The following TASOR2 variants were observed in gnomAD, a reference collection of about 807,000 sequenced individuals.
TASOR2 encodes the protein transcription activation suppressor family member 2.
Under a neutral mutation model 199.5 loss-of-function variants are expected in TASOR2, and 84 were observed. That is an observed-to-expected ratio of 0.42 (90% confidence interval 0.35 to 0.50). The LOEUF (loss-of-function observed/expected upper bound fraction) is 0.50, where lower values mean the gene tolerates loss of function less well. Ranked by LOEUF, TASOR2 falls within the 20% of genes least tolerant of loss-of-function variation. The pLI is 0.02. For missense variants in TASOR2, 2,796 were observed against 2,835.9 expected, an observed-to-expected ratio of 0.99 and a Z score of 0.32; for synonymous variants, 1,103 against 1,046.6, an observed-to-expected ratio of 1.05 and a Z score of -1.04.
chr10:5,709,741 T>C, intron 1 of TASOR2: 1 of 1,151,258 alleles, frequency 8.7e-7, no homozygotes, highest in South Asian at 4.5e-5. Flanking sequence ...TAGTTTTAAT[T>C]TAGATCATGT....
At position 5,689,565 on chromosome 10, in the gene TASOR2, A is replaced by C. The variant is rs746938093; in HGVS notation, c.-288+4390A>C. 6.6e-6 allele frequency among the ~76,000 whole-genome samples: 1 copy of C among 152,144 alleles called. No homozygotes were observed. The highest frequency in any genetic ancestry group is 1.5e-5 in the Non-Finnish European group (1 of 68,034). Reference sequence around the variant, plus strand: ...CAGTGAGCAGAGATCACGCCACTGCACTCCAGCCTGGGCGACAGAGCAAGA... The same window carrying C: ...CAGTGAGCAGAGATCACGCCACTGCCCTCCAGCCTGGGCGACAGAGCAAGA... On this transcript the variant is annotated intron_variant, in intron 1 of 20. Coordinates refer to ENST00000328090, the Ensembl canonical transcript of TASOR2. This position sits in a 1 kb window ranked among gnomAD's most constrained non-coding sequence, Gnocchi z 4.1.
In TASOR2 at chr10:5,752,637, C is replaced by T. The variant is rs1427923926; in HGVS notation, c.6606+2610C>T. Among the ~76,000 whole-genome samples the T allele has an allele frequency of 6.6e-6, 1 of 152,234 alleles. No individual in the cohort carries two copies. Among genetic ancestry groups the T allele is most frequent in the Non-Finnish European group, 1.5e-5 (1 of 68,030 alleles). ...GTGTCCCTTATTGTCACAGTGTCCCCTGGGTGCAGGGTCACAAGACCACTT... is the reference window on the plus strand; with the variant it reads ...GTGTCCCTTATTGTCACAGTGTCCCTTGGGTGCAGGGTCACAAGACCACTT... On this transcript the variant is annotated intron_variant, in intron 15 of 20. Transcript: ENST00000328090. This position sits in a 1 kb window ranked among gnomAD's most constrained non-coding sequence, Gnocchi z 4.4.
chr10:5,698,315 T>C lies in TASOR2; in HGVS notation c.-288+13140T>C, dbSNP rs1837393321. On this transcript the variant is annotated intron_variant, in intron 1 of 20. Coordinates refer to ENST00000328090, the Ensembl canonical transcript of TASOR2. The surrounding 1 kb of genome is among the most constrained non-coding windows in gnomAD (Gnocchi z 4.4). ...ATAGGAGAGTGAGGGCCACCCCAGC[T>C]GAGTTAAGCTGAATTCAATGAACAC... Among the ~76,000 whole-genome samples, 1 of 152,182 alleles carries C rather than the reference T, an allele frequency of 6.6e-6. No individual in the cohort carries two copies. The highest frequency in any genetic ancestry group is 1.5e-5 in the Non-Finnish European group (1 of 68,026).
chr10:5,711,307 AAGTT>A (rs1831876367), intron 1 of TASOR2, among the ~76,000 whole-genome samples: 1 of 152,102 alleles, frequency 6.6e-6, no homozygotes, highest in African/African-American at 2.4e-5. Context: ...GGTTACTTAC[AAGTT>A]AGTTTTAATT....
chr10:5,715,287 G>T (rs1832482899), intron 2 of TASOR2, among the ~76,000 whole-genome samples: 1 of 149,242 alleles, frequency 6.7e-6, no homozygotes, highest in African/African-American at 2.5e-5. Flanking sequence ...TTCACCCATT[G>T]TTTAGTGTAG....
chr10:5,753,647 A>C (rs991887570), intron 15 of TASOR2, among the ~76,000 whole-genome samples: 5 of 151,982 alleles, frequency 3.3e-5, no homozygotes, highest in Non-Finnish European at 5.9e-5. Flanking sequence ...GGCATGAGCC[A>C]CTCCGCCCAG....
At chr10:5,691,770 G>A (rs994589782) in intron 1 of TASOR2, among the ~76,000 whole-genome samples, 1 of 152,040 alleles carries the variant, frequency 6.6e-6, no homozygotes, top group Non-Finnish European at 1.5e-5. Context: ...CTGCACCTCC[G>A]TTTGATTAAA....
At chr10:5,728,362 G>T (rs1451502269) in intron 10 of TASOR2, among the ~76,000 whole-genome samples, 1 of 151,984 alleles carries the variant, frequency 6.6e-6, no homozygotes, top group Non-Finnish European at 1.5e-5. Context: ...TACTGGCTAG[G>T]CAGGGTGGCT....
chr10:5,746,740 C>G, exon 15 of TASOR2: 2 of 1,614,144 alleles, frequency 1.2e-6, no homozygotes, highest in East Asian at 4.5e-5. Flanking sequence ...AACACAAGGC[C>G]TGAGGGACAT....
At chr10:5,747,715 T>C (rs1447149498) in exon 15 of TASOR2, 1 of 1,614,168 alleles carries the variant, frequency 6.2e-7, no homozygotes, top group East Asian at 2.2e-5. Flanking sequence ...TGGTACACAG[T>C]GTGAGAAGAG....
intron 1 of TASOR2, chr10:5,692,773 A>AG (rs1836604935): frequency 1.3e-5 from 2 of 151,222 alleles, no homozygotes; most frequent in Non-Finnish European, 3.0e-5. Context: ...GACTTTCAAA[A>AG]GGCGCCGCCG....
chr10:5,749,345 T>C (rs762890760), exon 15 of TASOR2: 4 of 1,614,136 alleles, frequency 2.5e-6, no homozygotes, highest in African/African-American at 2.7e-5. Context: ...CAGAACACTT[T>C]AGACCTGGAG....
Position 5,748,791 on chromosome 10 carries a change from G to T in TASOR2, c.5370G>T (p.Glu1790Asp), listed in dbSNP as rs866204633. ...CTTCTGTTTGTGGAATAGCCACAGAGCACGTAGAAATTGAGAACAGTGGGG... is the reference window on the plus strand; with the variant it reads ...CTTCTGTTTGTGGAATAGCCACAGATCACGTAGAAATTGAGAACAGTGGGG... Residue 1790 changes from glutamate to aspartate, a missense_variant, in exon 15 of 21, where the codon GAG (glutamate) becomes GAT (aspartate). Physicochemically the swap from Glu to Asp is conservative, Grantham distance 45. This residue lies in a region of TASOR2 where 1,941 missense variants were observed against 1,924.9 expected (regional missense o/e 1.01). Coordinates refer to ENST00000328090, the Ensembl canonical transcript of TASOR2. This position sits in a 1 kb window ranked among gnomAD's most constrained non-coding sequence, Gnocchi z 5.1. 7.4e-6 allele frequency: 12 copies of T among 1,614,066 alleles called. No homozygotes were observed. The African/African-American group carries it at 1.5e-4, about 20-fold the overall frequency.
rs1487952334 is a variant in TASOR2, at chr10:5,742,990, C to T, written c.2757+464C>T. ...ATGCTGGAATAGTAAAATGCCAGACCTGTGAAAGAAGACCCATTGCAAATA... is the reference window on the plus strand; with the variant it reads ...ATGCTGGAATAGTAAAATGCCAGACTTGTGAAAGAAGACCCATTGCAAATA... On this transcript the variant is annotated intron_variant, in intron 14 of 20. Coordinates refer to ENST00000328090, the Ensembl canonical transcript of TASOR2. This position sits in a 1 kb window ranked among gnomAD's most constrained non-coding sequence, Gnocchi z 4.2. Among the ~76,000 whole-genome samples the T allele has an allele frequency of 6.6e-6, 1 of 152,022 alleles. No individual in the cohort carries two copies. The highest frequency in any genetic ancestry group is 1.5e-5 in the Non-Finnish European group (1 of 67,992).
At chr10:5,691,581 T>C (rs964609413) in intron 1 of TASOR2, among the ~76,000 whole-genome samples, 1 of 152,252 alleles carries the variant, frequency 6.6e-6, no homozygotes, top group Non-Finnish European at 1.5e-5. Context: ...TTTATGAATT[T>C]AACTTGCTTT....
rs1003082894 is a variant in TASOR2 at position 5,756,517 on chromosome 10, A to T, written c.6607-96A>T. On this transcript the variant is annotated intron_variant, in intron 15 of 20. Transcript: ENST00000328090. ...ACAAATTGTCATTTATGGTTGCCTT[A>T]TTAGACTATACTGCTTTTCATTATT... is the stretch of plus-strand genomic sequence containing the variant. The T allele has an allele frequency of 1.3e-5, 17 of 1,269,596 alleles. No homozygotes were observed. The Admixed American group carries it at 4.1e-4, about 31-fold the overall frequency. 78.6% of individuals were successfully genotyped at this position (1,269,596 alleles called of 1,614,324 possible).
intron 8 of TASOR2, among the ~76,000 whole-genome samples, chr10:5,726,153 T>G (rs901536083): frequency 1.3e-5 from 2 of 152,336 alleles, no homozygotes; most frequent in Non-Finnish European, 1.5e-5. Flanking sequence ...TGTATATAGA[T>G]TTTTGAAATG....
At chr10:5,744,749 C>T (rs1836940813) in intron 14 of TASOR2, among the ~76,000 whole-genome samples, 1 of 152,144 alleles carries the variant, frequency 6.6e-6, no homozygotes, top group African/African-American at 2.4e-5. Context: ...CTGCCTCAGC[C>T]TCCCGAGTAG....
At chr10:5,697,741 A>G (rs763629126) in intron 1 of TASOR2, among the ~76,000 whole-genome samples, 3 of 152,096 alleles carry the variant, frequency 2.0e-5, no homozygotes, top group Non-Finnish European at 4.4e-5. Context: ...CTAAAGAAAC[A>G]TGACAAGTGC....
Sources: gnomAD v4.1 joint callset for allele counts (sites outside exome capture counted in the v4.1 genomes callset) on GRCh38, gnomAD v4.1.1 for gene constraint, gnomAD v4.1.1 regional missense constraint, Gnocchi (gnomAD v3.1) non-coding constraint, MANE v1.5 for transcripts, NCBI Gene and HGNC (gene_info 2026-07-23, HGNC 2026-07-21) for gene names.